SPATA1: variants seen among roughly 807,000 people sequenced by gnomAD.
The protein encoded by SPATA1 is spermatogenesis-associated protein 1.
In SPATA1, 57 loss-of-function variants were observed where a neutral mutation model predicts 59.6. The observed-to-expected ratio is 0.96, with a 90% CI of 0.77 to 1.19. The LOEUF (loss-of-function observed/expected upper bound fraction) is 1.19, where lower values mean the gene tolerates loss of function less well. Ranked by LOEUF, SPATA1 falls within the 50% of genes most tolerant of loss-of-function variation. SPATA1 has a pLI of 0.00. For synonymous variants in SPATA1, 147 were observed against 163.9 expected (o/e 0.90, Z 0.79); for missense variants, 448 against 480.7 (o/e 0.93, Z 0.64).
chr1:84,551,401 G>T, intron 12 of SPATA1: 21 of 589,212 alleles, frequency 3.6e-5, no homozygotes, highest in Non-Finnish European at 4.5e-5. Flanking sequence ...TAAAAAAATA[G>T]AATTAGCACT....
At chr1:84,511,317 A>T (rs1682534841) in intron 1 of SPATA1, among the ~76,000 whole-genome samples, 1 of 151,952 alleles carries the variant, frequency 6.6e-6, no homozygotes, top group Non-Finnish European at 1.5e-5. Flanking sequence ...AAGAAACCTA[A>T]CTCTATAATT....
intron 4 of SPATA1, among the ~76,000 whole-genome samples, chr1:84,564,330 A>C (rs908167076): frequency 1.3e-5 from 2 of 152,242 alleles, no homozygotes; most frequent in African/African-American, 4.8e-5. Flanking sequence ...ACAAAGAGAA[A>C]AATGAACAAA....
chr1:84,516,155 G>T (rs2101923982), intron 1 of SPATA1, 68 bp from the exon 2 acceptor site: 1 of 488,914 alleles, frequency 2.0e-6, no homozygotes, highest in Non-Finnish European at 3.6e-6. Context: ...TTGTATATAT[G>T]TCTAAGTTTT....
chr1:84,511,668 T>C (rs1478980629), intron 1 of SPATA1, among the ~76,000 whole-genome samples: 1 of 117,626 alleles, frequency 8.5e-6, no homozygotes, highest in Non-Finnish European at 1.7e-5. Context: ...TTTTTTTTTT[T>C]TTCTTTCTTT....
exon 13 of SPATA1, chr1:84,553,219 A>G: frequency 2.8e-6 from 2 of 701,822 alleles, no homozygotes; most frequent in Non-Finnish European, 4.5e-6. Flanking sequence ...TGTTTTATAA[A>G]AAGCACAAGG....
At chr1:84,564,790 A>G in intron 4 of SPATA1, among the ~76,000 whole-genome samples, 1 of 152,156 alleles carries the variant, frequency 6.6e-6, no homozygotes, top group East Asian at 1.9e-4. Flanking sequence ...TCATGCCTGT[A>G]ATTGAAGCTC....
intron 9 of SPATA1, 158 bp downstream of exon 9, chr1:84,544,462 T>G (rs1684016703): frequency 6.2e-6 from 1 of 161,018 alleles, no homozygotes; most frequent in Non-Finnish European, 1.3e-5. Context: ...GTGTGAATGT[T>G]GTGCCACTGA....
In SPATA1 at chr1:84,509,501, C is replaced by CTT. The variant is rs1479885206; in HGVS notation, c.-138+3083_-138+3084insTT. On this transcript the variant is annotated intron_variant, in intron 1 of 12. Coordinates refer to ENST00000490879, the Ensembl canonical transcript of SPATA1. ...ATTGGAGTTGGGGCATGGTGGCTTA[C>CTT]ACCTGTAATCCCAGCACTTTGGGAG... Among the ~76,000 whole-genome samples, 6 of 152,356 alleles carry CTT rather than the reference C, an allele frequency of 3.9e-5. No homozygotes were observed. In the East Asian group the frequency reaches 1.2e-3, roughly 29 times the overall value.
chr1:84,514,159 CTTA>C (rs906334790), intron 1 of SPATA1, among the ~76,000 whole-genome samples: 104 of 152,054 alleles, frequency 6.8e-4, no homozygotes, highest in African/African-American at 2.4e-3. Flanking sequence ...TTTCTATATT[CTTA>C]TTAGTAATGT....
chr1:84,537,129 C>T (rs573423096), intron 8 of SPATA1, among the ~76,000 whole-genome samples: 44 of 152,176 alleles, frequency 2.9e-4, no homozygotes, highest in African/African-American at 1.1e-3. Flanking sequence ...CCACCTGCAT[C>T]GGCCTCCCAA....
intron 1 of SPATA1, chr1:84,507,357 G>A (rs1160999977): frequency 6.6e-6 from 1 of 152,206 alleles, no homozygotes; most frequent in Non-Finnish European, 1.5e-5. Flanking sequence ...TACATCGTAA[G>A]TTTAGCATTT....
At chr1:84,518,212 T>G (rs562492936) in intron 2 of SPATA1, among the ~76,000 whole-genome samples, 2 of 152,276 alleles carry the variant, frequency 1.3e-5, no homozygotes, top group Admixed American at 1.3e-4. Flanking sequence ...GATGAAAGTT[T>G]TAAAAAACGT....
intron 1 of SPATA1, among the ~76,000 whole-genome samples, chr1:84,510,584 A>G (rs1682493462): frequency 6.6e-6 from 1 of 152,242 alleles, no homozygotes; most frequent in Non-Finnish European, 1.5e-5. Flanking sequence ...TACCACCACT[A>G]TGGAGACCAA....
intron 1 of SPATA1, among the ~76,000 whole-genome samples, chr1:84,513,401 T>G (rs1396056446): frequency 1.3e-5 from 2 of 152,324 alleles, no homozygotes; most frequent in South Asian, 2.1e-4. Flanking sequence ...TCCCAAAGTG[T>G]TGGGATTACA....
chr1:84,563,366 T>C (rs541565613), intron 4 of SPATA1: 14 of 1,594,358 alleles, frequency 8.8e-6, no homozygotes, highest in African/African-American at 5.4e-5. Context: ...TCCTGCAGCG[T>C]CACTACAAGG....
At chr1:84,539,394 A>G (rs1173872046) in intron 8 of SPATA1, among the ~76,000 whole-genome samples, 1 of 152,226 alleles carries the variant, frequency 6.6e-6, no homozygotes, top group African/African-American at 2.4e-5. Flanking sequence ...TAATGCCAAA[A>G]TGTATTCCAA....
At position 84,560,093 on chromosome 1, in the gene SPATA1, AAAAAAAAGAAAGAAAG is replaced by A. The variant is rs1457791635; in HGVS notation, n.442+4118_442+4133del. On this transcript the variant is annotated intron_variant and non_coding_transcript_variant, in intron 4 of 4. Transcript: ENST00000460286. ...AGCAAGACTCTGTCTCAAAAAAAAAAAAAAAAAGAAAGAAAGAAAGAAAGAAAGAAAGAAAGAAAGG... is the reference window on the plus strand; with the variant it reads ...AGCAAGACTCTGTCTCAAAAAAAAAAAAAGAAAGAAAGAAAGAAAGAAAGG... Among the ~76,000 whole-genome samples the A allele has an allele frequency of 3.1e-5, 4 of 131,138 alleles. 1 individual carries two copies. The Middle Eastern group carries it at 0.011, about 375-fold the overall frequency. The allele number at this position is 131,138 out of a possible 152,430, so 86.0% of individuals were successfully genotyped here. A position where few individuals can be genotyped will look rare whatever the true frequency, so the allele number is the denominator to read the frequency against.
chr1:84,531,614 C>T (rs921744362), intron 6 of SPATA1, among the ~76,000 whole-genome samples: 2 of 144,614 alleles, frequency 1.4e-5, no homozygotes, highest in African/African-American at 2.6e-5. Flanking sequence ...TGCTCTGATG[C>T]CCAGGCTGGA....
At chr1:84,515,273 A>G (rs1558570933) in intron 1 of SPATA1, among the ~76,000 whole-genome samples, 1 of 152,180 alleles carries the variant, frequency 6.6e-6, no homozygotes. Context: ...TCAAAATGGC[A>G]AATCACATTC....
Sources: allele counts gnomAD v4.1 joint callset (sites outside exome capture counted in the v4.1 genomes callset), GRCh38; gene constraint gnomAD v4.1.1; transcripts MANE v1.5; gene names NCBI Gene and HGNC (gene_info 2026-07-23, HGNC 2026-07-21).